Variants in USP43 observed in about 807,000 individuals in gnomAD.
The protein encoded by USP43 is ubiquitin specific peptidase 43.
Under a neutral mutation model 90.7 loss-of-function variants are expected in USP43, and 33 were observed. That is an observed-to-expected ratio of 0.36 (90% CI 0.28 to 0.49). The LOEUF (loss-of-function observed/expected upper bound fraction) is 0.49. USP43 is among the 20% of genes least tolerant of loss of function. The pLI is 0.98. For synonymous variants in USP43, 598 were observed against 615.8 expected, an observed-to-expected ratio of 0.97 and a Z score of 0.43; for missense variants, 1,274 against 1,476.4, an observed-to-expected ratio of 0.86 and a Z score of 2.25.
intron 1 of USP43, among the ~76,000 whole-genome samples, chr17:9,654,139 C>T (rs564484903): frequency 1.3e-5 from 2 of 152,122 alleles, no homozygotes; most frequent in African/African-American, 4.8e-5. Flanking sequence ...GTAGGGTTGC[C>T]AGATGAAAAA....
At chr17:9,693,339 A>G (rs1915072383) in intron 9 of USP43, 109 bp downstream of exon 9, 21 of 915,748 alleles carry the variant, frequency 2.3e-5, no homozygotes, top group Non-Finnish European at 3.6e-5. Context: ...GTTATTCTTG[A>G]TCACTTACCT....
intron 14 of USP43, among the ~76,000 whole-genome samples, chr17:9,725,011 C>T (rs882425): frequency 0.12 from 18,354 of 151,918 alleles, 1,781 homozygotes; most frequent in East Asian, 0.38. Flanking sequence ...TTGATGCATA[C>T]TTCATTGGCC....
At chr17:9,711,587 G>A (rs1247683959) in intron 13 of USP43, among the ~76,000 whole-genome samples, 5 of 151,900 alleles carry the variant, frequency 3.3e-5, no homozygotes, top group East Asian at 1.9e-4. Flanking sequence ...CCACCACCAC[G>A]CCCAGCTAAT....
rs116556474 is a variant in USP43, at chr17:9,681,877, A to G, written c.1106-946A>G. On this transcript the variant is annotated intron_variant, in intron 6 of 14. Transcript: ENST00000285199. The stretch of plus-strand genomic sequence containing the variant: ...TACGCCCTGGCCCCACATTTTGGCC[A>G]GCCTAGGTAGCAGGCTATGGGAACT... Among the ~76,000 whole-genome samples the G allele has an allele frequency of 6.0e-3, 914 of 152,246 alleles. 11 individuals carry two copies. The highest frequency in any genetic ancestry group is 0.021 in the African/African-American group (865 of 41,546).
At chr17:9,707,149 A>C (rs1362490485) in intron 12 of USP43, among the ~76,000 whole-genome samples, 2 of 152,194 alleles carry the variant, frequency 1.3e-5, no homozygotes, top group South Asian at 2.1e-4. Flanking sequence ...TATGATGATG[A>C]GGCACTTGAC....
At chr17:9,685,494 A>G (rs568749946) in intron 7 of USP43, among the ~76,000 whole-genome samples, 1 of 152,230 alleles carries the variant, frequency 6.6e-6, no homozygotes, top group African/African-American at 2.4e-5. Flanking sequence ...GTCTTACTCT[A>G]TTCCCTGCTG....
chr17:9,699,333 GAC>G (rs1915442461), intron 9 of USP43, among the ~76,000 whole-genome samples: 2 of 152,078 alleles, frequency 1.3e-5, no homozygotes, highest in East Asian at 3.9e-4. Flanking sequence ...ACTTCTCCCA[GAC>G]ACGCCTTGTT....
At chr17:9,648,646 A>G (rs528225243) in intron 1 of USP43, among the ~76,000 whole-genome samples, 1 of 152,224 alleles carries the variant, frequency 6.6e-6, no homozygotes. Flanking sequence ...TTAGGTGTCA[A>G]TGAAGGGCTT....
At chr17:9,693,038 A>G (rs913159458) in intron 8 of USP43, 89 bp from the exon 9 acceptor site, 1 of 897,730 alleles carries the variant, frequency 1.1e-6, no homozygotes, top group South Asian at 1.6e-5. Context: ...AATAATGATT[A>G]TATTTTTTAA....
At chr17:9,670,039 C>CTTT (rs148536442) in intron 3 of USP43, among the ~76,000 whole-genome samples, 1 of 131,554 alleles carries the variant, frequency 7.6e-6, no homozygotes, top group Non-Finnish European at 1.6e-5. Context: ...GAGGTGACTG[C>CTTT]TTTTTTTTTT....
chr17:9,646,039 C>A lies in USP43; in HGVS notation c.407C>A (p.Ala136Glu), dbSNP rs556802757. 2.0e-6 allele frequency: 3 copies of A among 1,492,928 alleles called. No individual in the cohort carries two copies. The highest frequency in any genetic ancestry group is 1.3e-5 in the South Asian group (1 of 77,910). The allele number at this position is 1,492,928 out of a possible 1,614,324, so 92.5% of individuals were successfully genotyped here. A position where few individuals can be genotyped will look rare whatever the true frequency, so the allele number is the denominator to read the frequency against. The stretch of plus-strand genomic sequence containing the variant: ...TTCCTGGCGCTGGGGCGCTACCGGG[C>A]GGCTCCGGGCCGCGCCGAGGTCACC... ...AEFLALGRYR[A>E]APGRAEVTEQ... The change falls in exon 1 of 15, where the codon GCG (alanine) becomes GAG (glutamate). Residue 136 changes from alanine to glutamate, a missense_variant. Around this residue, in one of 6 missense-constraint regions of USP43, gnomAD observed 259 missense variants for 373.7 expected, o/e 0.69. Coordinates refer to ENST00000285199, the MANE Select transcript of USP43 (RefSeq NM_153210.5).
At chr17:9,700,351 G>GCACA in intron 10 of USP43, 102 bp downstream of exon 10, 1 of 1,145,356 alleles carries the variant, frequency 8.7e-7, no homozygotes, top group Non-Finnish European at 1.2e-6. Context: ...CAGGCAGGGT[G>GCACA]CACACATCTT....
At chr17:9,647,061 C>CAAAACAAA (rs1911458832) in intron 1 of USP43, 1 of 79,816 alleles carries the variant, frequency 1.3e-5, no homozygotes, top group Non-Finnish European at 2.5e-5. Flanking sequence ...TTGCTTCCTG[C>CAAAACAAA]AAAAAAAAAA....
rs1483588936 is a variant in USP43, at chr17:9,645,574, G to A, written c.-59G>A. 7.7e-6 allele frequency: 9 copies of A among 1,168,662 alleles called. No homozygotes were observed. Among genetic ancestry groups the A allele is most frequent in the Non-Finnish European group, 9.5e-6 (9 of 947,996 alleles). The allele number at this position is 1,168,662 out of a possible 1,614,324, so 72.4% of individuals were successfully genotyped here. On this transcript the variant is annotated 5_prime_UTR_variant, in exon 1 of 15. Coordinates refer to ENST00000285199, the MANE Select transcript of USP43 (RefSeq NM_153210.5). The surrounding 1 kb of genome is among the most constrained non-coding windows in gnomAD (Gnocchi z 6.8). ...CCTTAGAGAAGCTGTAGGGCCTGCT[G>A]GCCGCTCGTCCGCCTCGCGCCCGGG...
intron 7 of USP43, among the ~76,000 whole-genome samples, chr17:9,685,854 C>T (rs1423861239): frequency 1.3e-5 from 2 of 152,136 alleles, no homozygotes; most frequent in Non-Finnish European, 2.9e-5. Flanking sequence ...TGAAAGCATA[C>T]AATAAATTAT....
chr17:9,654,613 C>A lies in USP43; in HGVS notation c.505-1790C>A, dbSNP rs1597813427. 2.0e-5 allele frequency among the ~76,000 whole-genome samples: 3 copies of A among 149,088 alleles called. No homozygotes were observed. The Admixed American group carries it at 2.0e-4, about 10-fold the overall frequency. The stretch of plus-strand genomic sequence containing the variant: ...GCAGTGAGCTGAGATCATGCCATTG[C>A]ACTCTAGCCTGGGCAACAAGAGTGA... On this transcript the variant is annotated intron_variant, in intron 1 of 14. Coordinates refer to ENST00000285199, the MANE Select transcript of USP43 (RefSeq NM_153210.5).
intron 8 of USP43, among the ~76,000 whole-genome samples, chr17:9,692,320 C>A (rs1420727418): frequency 1.3e-5 from 2 of 152,040 alleles, no homozygotes; most frequent in Non-Finnish European, 2.9e-5. Context: ...GATTGTGGCA[C>A]TGCACTCCAG....
chr17:9,710,247 T>A, intron 13 of USP43, 133 bp downstream of exon 13: 1 of 1,028,706 alleles, frequency 9.7e-7, no homozygotes, highest in Non-Finnish European at 1.3e-6. Flanking sequence ...GATGCTGCTG[T>A]AGAAACCTGA....
At chr17:9,667,414 TAAAC>T (rs1276645150) in intron 3 of USP43, among the ~76,000 whole-genome samples, 6 of 152,020 alleles carry the variant, frequency 3.9e-5, no homozygotes, top group Non-Finnish European at 7.4e-5. Flanking sequence ...AATAAATAAA[TAAAC>T]AAACAATAAA....
Sources: gnomAD v4.1 joint callset for allele counts (sites outside exome capture counted in the v4.1 genomes callset) on GRCh38, gnomAD v4.1.1 for gene constraint, gnomAD v4.1.1 regional missense constraint, Gnocchi (gnomAD v3.1) non-coding constraint, MANE v1.5 for transcripts, NCBI Gene and HGNC (gene_info 2026-07-23, HGNC 2026-07-21) for gene names.